The following DST variants were observed in gnomAD, a reference collection of about 807,000 sequenced individuals.
DST encodes dystonin, also known as bullous pemphigoid antigen.
In DST, 253 loss-of-function variants were observed where a neutral mutation model predicts 875.2. That is an observed-to-expected ratio of 0.29 (90% confidence interval 0.26 to 0.32). DST has a LOEUF of 0.32. DST is among the 10% of genes least tolerant of loss of function. DST has a pLI of 1.00. For synonymous variants in DST, 3,124 were observed against 3,197.1 expected, an observed-to-expected ratio of 0.98 and a Z score of 0.77; for missense variants, 8,287 against 9,111.6, an observed-to-expected ratio of 0.91 and a Z score of 3.68.
intron 4 of DST, among the ~76,000 whole-genome samples, chr6:56,822,515 C>G (rs2099774206): frequency 6.6e-6 from 1 of 152,100 alleles, no homozygotes; most frequent in African/African-American, 2.4e-5. Flanking sequence ...TACCTGAGTA[C>G]CATGTATATG....
chr6:56,627,938 T>C, intron 33 of DST, 61 bp downstream of exon 33: 1 of 1,461,516 alleles, frequency 6.8e-7, no homozygotes, highest in Non-Finnish European at 9.6e-7. Context: ...GAAAGGAAGA[T>C]GAGGAGCATG....
intron 59 of DST, 73 bp downstream of exon 59, chr6:56,557,246 T>G (rs908451636): frequency 8.6e-6 from 12 of 1,400,184 alleles, no homozygotes; most frequent in Non-Finnish European, 1.2e-5. Flanking sequence ...AGTTAATATA[T>G]TTATAATGAA....
At chr6:56,682,997 A>T (rs2099163959) in intron 9 of DST, among the ~76,000 whole-genome samples, 1 of 152,194 alleles carries the variant, frequency 6.6e-6, no homozygotes, top group South Asian at 2.1e-4. Flanking sequence ...AAAACACTCA[A>T]CTGTTAGTTT....
Position 56,607,676 on chromosome 6 carries a change from G to A in DST, c.6952C>T (p.Gln2318Ter), listed in dbSNP as rs1563150977. The change falls in exon 40 of 104, where the codon CAG becomes TAG. Residue 2318 changes from glutamine to a stop codon, truncating the protein, a stop_gained. Coordinates refer to ENST00000680361, the MANE Select transcript of DST (RefSeq NM_001374736.1). LOFTEE classifies it high-confidence loss of function. The part of the protein sequence containing the change: ...RNTVINSEFS[Q>*]SGKLASTISI... ...ATTGTACTTGCCAGTTTTCCTGACTGAGAAAATTCACTATTGATAACAGTA... is the reference window on the plus strand; with the variant it reads ...ATTGTACTTGCCAGTTTTCCTGACTAAGAAAATTCACTATTGATAACAGTA... The A allele has an allele frequency of 5.6e-6, 9 of 1,613,394 alleles. No homozygotes were observed. The highest frequency in any genetic ancestry group is 6.8e-6 in the Non-Finnish European group (8 of 1,179,622).
At chr6:56,797,249 G>A (rs1266227270) in intron 4 of DST, among the ~76,000 whole-genome samples, 1 of 152,158 alleles carries the variant, frequency 6.6e-6, no homozygotes, top group African/African-American at 2.4e-5. Context: ...TGTTCTGACT[G>A]TTCCAACAAC....
intron 3 of DST, among the ~76,000 whole-genome samples, chr6:56,875,886 C>T (rs1779426475): frequency 6.6e-6 from 1 of 152,192 alleles, no homozygotes; most frequent in African/African-American, 2.4e-5. Context: ...GTAGCTGCTC[C>T]ACTGCTGCCC....
At chr6:56,560,251 TG>T in intron 58 of DST, 42 bp downstream of exon 58, 1 of 1,506,372 alleles carries the variant, frequency 6.6e-7, no homozygotes, top group South Asian at 1.4e-5. Flanking sequence ...GAAAAATGAT[TG>T]CACTTTTCTT....
intron 10 of DST, among the ~76,000 whole-genome samples, chr6:56,657,670 G>T (rs2099016595): frequency 2.6e-5 from 4 of 152,164 alleles, no homozygotes; most frequent in African/African-American, 9.7e-5. Context: ...GGTGATGGTT[G>T]TACAACAAAG....
At position 56,640,182 on chromosome 6, in the gene DST, T is replaced by C. The variant is rs746290195; in HGVS notation, c.2451A>G (p.Lys817=). The change falls in exon 18 of 104, where the codon AAA becomes AAG. Residue 817 remains lysine, a synonymous_variant. Coordinates refer to ENST00000680361, the MANE Select transcript of DST (RefSeq NM_001374736.1). The part of the protein sequence containing the change: ...QNLTEEEINM[K]FVQDLLNWVD... ...CCCAATTCAAAAGATCCTGAACAAA[T>C]TTCATATTGATTTCTTCTTCTGTTA... 14 of 1,614,146 alleles carry C rather than the reference T, an allele frequency of 8.7e-6. No homozygotes were observed. The Admixed American group carries it at 2.3e-4, about 27-fold the overall frequency.
intron 9 of DST, among the ~76,000 whole-genome samples, chr6:56,687,757 A>C (rs945574354): frequency 6.6e-6 from 1 of 151,946 alleles, no homozygotes; most frequent in Non-Finnish European, 1.5e-5. Flanking sequence ...AAATGTAATC[A>C]ACACATTTTT....
intron 36 of DST, among the ~76,000 whole-genome samples, chr6:56,621,383 A>T (rs935936048): frequency 4.6e-5 from 7 of 152,256 alleles, no homozygotes; most frequent in African/African-American, 1.7e-4. Context: ...TATGACAATT[A>T]TAATAATCAG....
intron 73 of DST, 97 bp from the exon 74 acceptor site, chr6:56,509,970 A>G (rs1383998799): frequency 1.1e-6 from 1 of 951,438 alleles, no homozygotes; most frequent in East Asian, 2.6e-5. Context: ...TTAATGTCAG[A>G]ATTAAGAATA....
At chr6:56,873,535 AAAG>A (rs1208343723) in intron 3 of DST, among the ~76,000 whole-genome samples, 2 of 152,254 alleles carry the variant, frequency 1.3e-5, no homozygotes, top group African/African-American at 4.8e-5. Context: ...ATTCAGTCAT[AAAG>A]AAGAATGAAA....
At chr6:56,560,523 A>C in intron 57 of DST, 100 bp from the exon 58 acceptor site, 1 of 1,280,510 alleles carries the variant, frequency 7.8e-7, no homozygotes, top group Non-Finnish European at 1.1e-6. Context: ...AAAAGAGGAA[A>C]AAATCTACTG....
intron 3 of DST, among the ~76,000 whole-genome samples, chr6:56,872,955 A>G (rs941909222): frequency 6.6e-6 from 1 of 151,756 alleles, no homozygotes; most frequent in African/African-American, 2.4e-5. Context: ...GCTGTACTAA[A>G]CTTACATTCC....
intron 4 of DST, among the ~76,000 whole-genome samples, chr6:56,803,840 C>G (rs191749283): frequency 1.5e-4 from 23 of 152,298 alleles, no homozygotes; most frequent in Admixed American, 1.3e-3. Flanking sequence ...AGCACAGATA[C>G]AATTTCTTTG....
At chr6:56,770,553 A>G (rs915730230) in intron 4 of DST, among the ~76,000 whole-genome samples, 1 of 152,170 alleles carries the variant, frequency 6.6e-6, no homozygotes, top group African/African-American at 2.4e-5. Context: ...CAGGTTCACT[A>G]CTGGATAAAC....
In DST at chr6:56,816,015, T is replaced by C. The variant is rs574107612; in HGVS notation, c.625+35382A>G. ...AAAAAGTAAGATTGAGTAATTTATC[T>C]ACTTTTCTTTCTTCCTCCACTCTCC... is the stretch of plus-strand genomic sequence containing the variant. On this transcript the variant is annotated intron_variant, in intron 4 of 103. Coordinates refer to ENST00000680361, the MANE Select transcript of DST (RefSeq NM_001374736.1). Among the ~76,000 whole-genome samples the C allele has an allele frequency of 2.6e-5, 4 of 152,316 alleles. No individual in the cohort carries two copies. The East Asian group carries it at 7.7e-4, about 29-fold the overall frequency.
intron 83 of DST, 42 bp from the exon 84 acceptor site, chr6:56,493,131 T>C (rs1238934574): frequency 1.3e-6 from 2 of 1,557,650 alleles, no homozygotes; most frequent in Non-Finnish European, 8.7e-7. Context: ...TTAAGGGCCT[T>C]GGTTATTTTG....
Sources: gnomAD v4.1 joint callset for allele counts (sites outside exome capture counted in the v4.1 genomes callset) on GRCh38, gnomAD v4.1.1 for gene constraint, MANE v1.5 for transcripts, NCBI Gene and HGNC (gene_info 2026-07-23, HGNC 2026-07-21) for gene names.